The following GRM7 variants were observed in gnomAD, a reference collection of about 807,000 sequenced individuals.
GRM7 encodes the protein metabotropic glutamate receptor 7.
A neutral mutation model predicts 84.5 loss-of-function variants in GRM7; 35 were observed. The ratio of observed to expected loss-of-function variants is 0.41; its 90% confidence interval spans 0.32 to 0.55. The LOEUF is 0.55. Ranked by LOEUF, GRM7 falls within the 20% of genes least tolerant of loss-of-function variation. The pLI is 0.19. For missense variants in GRM7, 1,003 were observed against 1,194.6 expected, an observed-to-expected ratio of 0.84 and a Z score of 2.36; for synonymous variants, 487 against 455.1, an observed-to-expected ratio of 1.07 and a Z score of -0.89.
At chr3:7,391,564 C>A (rs558414474) in intron 4 of GRM7, among the ~76,000 whole-genome samples, 36 of 151,616 alleles carry the variant, frequency 2.4e-4, no homozygotes, top group African/African-American at 7.5e-4. Flanking sequence ...TGTCGTGGGG[C>A]GGGGGAAGTG....
rs184101874 is a variant in GRM7 at position 7,296,510 on chromosome 3, A to G, written c.737-2174A>G. ...CATCAGTTAAACCATCTGAGCCTGA[A>G]TCTTTATTTTCTGAAAGATTTTTAA... On this transcript the variant is annotated intron_variant, in intron 2 of 9. Transcript: ENST00000357716. Among the ~76,000 whole-genome samples the G allele has an allele frequency of 1.1e-4, 17 of 152,158 alleles. No homozygotes were observed. The East Asian group carries it at 3.3e-3, about 29-fold the overall frequency.
At chr3:7,229,284 T>A (rs959312471) in intron 2 of GRM7, among the ~76,000 whole-genome samples, 2 of 152,178 alleles carry the variant, frequency 1.3e-5, no homozygotes, top group African/African-American at 4.8e-5. Context: ...AGATAACTTT[T>A]TGAGCATTTA....
Position 7,294,745 on chromosome 3 carries a change from C to T in GRM7, c.737-3939C>T, listed in dbSNP as rs373967530. Among the ~76,000 whole-genome samples the T allele has an allele frequency of 5.3e-4, 80 of 152,204 alleles. 4 individuals carry two copies. The South Asian group carries it at 0.012, about 24-fold the overall frequency. ...TAGCAGCATCAGCATCACCTGGGAACCTGTTCCAATTACAAATTCACAGGC... is the reference window on the plus strand; with the variant it reads ...TAGCAGCATCAGCATCACCTGGGAATCTGTTCCAATTACAAATTCACAGGC... On this transcript the variant is annotated intron_variant, in intron 2 of 9. Coordinates refer to ENST00000357716, the MANE Select transcript of GRM7 (RefSeq NM_000844.4).
chr3:7,298,462 G>A (rs1282055306), intron 2 of GRM7: 3 of 453,574 alleles, frequency 6.6e-6, no homozygotes, highest in South Asian at 8.0e-5. Flanking sequence ...ATATTTGTAC[G>A]TGTACTATAA....
At position 7,539,531 on chromosome 3, in the gene GRM7, C is replaced by G. The variant is rs191027132; in HGVS notation, c.1516-38891C>G. The stretch of plus-strand genomic sequence containing the variant: ...TCTCTACTAAAAATACAAAAATTAT[C>G]CAGGCATGGTGGCAGGTGCCTGTAA... On this transcript the variant is annotated intron_variant, in intron 7 of 9. Transcript: ENST00000357716. 7.8e-4 allele frequency among the ~76,000 whole-genome samples: 118 copies of G among 152,138 alleles called. 1 individual carries two copies. The highest frequency in any genetic ancestry group is 3.4e-3 in the Middle Eastern group (1 of 294).
chr3:7,343,665 G>A (rs1400681785), intron 4 of GRM7, among the ~76,000 whole-genome samples: 1 of 152,108 alleles, frequency 6.6e-6, no homozygotes, highest in Non-Finnish European at 1.5e-5. Flanking sequence ...ATCTCCTTCA[G>A]CAATGTTTTT....
intron 1 of GRM7, among the ~76,000 whole-genome samples, chr3:6,975,948 A>C (rs548873990): frequency 6.6e-6 from 1 of 152,312 alleles, no homozygotes; most frequent in South Asian, 2.1e-4. Flanking sequence ...CAAGAGCTGG[A>C]CCATACACTG....
chr3:7,605,885 GCAGC>G lies in GRM7; in HGVS notation c.2451+26531_2451+26534del, dbSNP rs1261780770. ...TGAACTTTGCTATTGTAGTGCAAATGCAGCCATAGATAATATGTAAATCTATGGG... is the reference window on the plus strand; with the variant it reads ...TGAACTTTGCTATTGTAGTGCAAATGCATAGATAATATGTAAATCTATGGG... On this transcript the variant is annotated intron_variant, in intron 8 of 9. Transcript: ENST00000357716. 6.6e-5 allele frequency among the ~76,000 whole-genome samples: 10 copies of G among 152,276 alleles called. No homozygotes were observed. The East Asian group carries it at 1.9e-3, about 29-fold the overall frequency.
In GRM7 at chr3:7,306,540, T is replaced by C; in HGVS notation, c.921T>C (p.His307=). ...AAAKRADQVG[H]FLWVGSDSWG... ...CCAAAAGAGCTGACCAAGTTGGCCA[T>C]TTTCTTTGGGTGGGATCAGACAGCT... The change falls in exon 4 of 10, where the codon CAT becomes CAC. Residue 307 remains histidine (H), a synonymous_variant. Coordinates refer to ENST00000357716, the MANE Select transcript of GRM7 (RefSeq NM_000844.4). 3 of 1,613,894 alleles carry C rather than the reference T, an allele frequency of 1.9e-6. No individual in the cohort carries two copies. The highest frequency in any genetic ancestry group is 2.5e-6 in the Non-Finnish European group (3 of 1,179,840).
At chr3:7,427,583 T>C (rs1296125441) in intron 5 of GRM7, among the ~76,000 whole-genome samples, 1 of 152,206 alleles carries the variant, frequency 6.6e-6, no homozygotes, top group Admixed American at 6.5e-5. Flanking sequence ...ATTTTGTCCA[T>C]CTTTTTAAAA....
intron 1 of GRM7, among the ~76,000 whole-genome samples, chr3:7,111,532 G>C (rs1040638617): frequency 3.9e-5 from 6 of 152,118 alleles, no homozygotes; most frequent in Non-Finnish European, 7.4e-5. Context: ...AGCATGAGTC[G>C]TTAAGAGATG....
intron 7 of GRM7, among the ~76,000 whole-genome samples, chr3:7,557,620 G>A (rs1027008034): frequency 1.3e-5 from 2 of 152,048 alleles, no homozygotes; most frequent in Admixed American, 1.3e-4. Flanking sequence ...TTATAAAGAT[G>A]TAGTGACTGG....
At position 7,297,251 on chromosome 3, in the gene GRM7, G is replaced by T. The variant is rs1699846557; in HGVS notation, c.737-1433G>T. On this transcript the variant is annotated intron_variant, in intron 2 of 9. Coordinates refer to ENST00000357716, the MANE Select transcript of GRM7 (RefSeq NM_000844.4). The stretch of plus-strand genomic sequence containing the variant: ...ATTTACCTTGACACTTCTCTTTGAT[G>T]CATGGGTTATTTGGTAGTGTGTTGT... Among the ~76,000 whole-genome samples, 4 of 152,148 alleles carry T rather than the reference G, an allele frequency of 2.6e-5. No individual in the cohort carries two copies. In the South Asian group the frequency reaches 8.3e-4, roughly 32 times the overall value.
At chr3:7,693,443 A>G (rs929287586) in intron 9 of GRM7, among the ~76,000 whole-genome samples, 3 of 152,096 alleles carry the variant, frequency 2.0e-5, no homozygotes, top group African/African-American at 7.2e-5. Flanking sequence ...CACCAGGGTC[A>G]TTATCAGTCT....
intron 1 of GRM7, among the ~76,000 whole-genome samples, chr3:7,058,549 T>C (rs559627912): frequency 5.3e-4 from 80 of 152,060 alleles, no homozygotes; most frequent in Admixed American, 4.5e-3. Context: ...ATTAATGGTG[T>C]TTATTTTATA....
chr3:6,934,275 GAC>G (rs1697609360), intron 1 of GRM7, among the ~76,000 whole-genome samples: 1 of 152,110 alleles, frequency 6.6e-6, no homozygotes, highest in Non-Finnish European at 1.5e-5. Flanking sequence ...TTTACTAGGA[GAC>G]ACACAGTGGT....
At chr3:7,340,718 T>G (rs17047168) in intron 4 of GRM7, among the ~76,000 whole-genome samples, 6,150 of 152,242 alleles carry the variant, frequency 0.04, 268 homozygotes, top group African/African-American at 0.11. Flanking sequence ...TTAATCACTT[T>G]TGCCACTTTA....
intron 1 of GRM7, chr3:6,892,902 C>A (rs867777165): frequency 6.6e-6 from 1 of 151,996 alleles, no homozygotes; most frequent in Non-Finnish European, 1.5e-5. Flanking sequence ...TAGAAAGATA[C>A]AAAAATTAGC....
At chr3:7,299,298 T>C (rs1424354772) in intron 3 of GRM7, among the ~76,000 whole-genome samples, 1 of 152,156 alleles carries the variant, frequency 6.6e-6, no homozygotes, top group African/African-American at 2.4e-5. Flanking sequence ...AAAAATCTGC[T>C]TGTAATCTTG....
Sources: allele counts gnomAD v4.1 joint callset (sites outside exome capture counted in the v4.1 genomes callset), GRCh38; gene constraint gnomAD v4.1.1; transcripts MANE v1.5; gene names NCBI Gene and HGNC (gene_info 2026-07-23, HGNC 2026-07-21).